Variants in GPR83 observed in about 807,000 individuals in gnomAD.
GPR83 encodes the protein G-protein coupled receptor 72.
Under a neutral mutation model 28.0 loss-of-function variants are expected in GPR83, and 23 were observed. The ratio of observed to expected loss-of-function variants is 0.82; its 90% CI spans 0.59 to 1.16. The LOEUF (loss-of-function observed/expected upper bound fraction) is 1.16, where lower values mean the gene tolerates loss of function less well. GPR83 is among the 50% of genes most tolerant of loss of function. The probability of loss-of-function intolerance (pLI) is 0.00; values close to 1 mark genes in which losing one functional copy is unlikely to be tolerated. For synonymous variants in GPR83, 234 were observed against 215.4 expected (o/e 1.09, Z -0.76); for missense variants, 610 against 536.6 (o/e 1.14, Z -1.35).
At chr11:94,381,671 C>G (rs1425721521) in intron 3 of GPR83, among the ~76,000 whole-genome samples, 1 of 151,996 alleles carries the variant, frequency 6.6e-6, no homozygotes, top group South Asian at 2.1e-4. Flanking sequence ...CAGGAAGAAA[C>G]AGCTGGCACC....
rs771867380 is a variant in GPR83, at chr11:94,380,602, G to A, written c.819C>T (p.Gly273=). 8.7e-6 allele frequency: 14 copies of A among 1,614,050 alleles called. No homozygotes were observed. The highest frequency in any genetic ancestry group is 1.3e-5 in the African/African-American group (1 of 75,048). ...CAAAGTACTGCTCTGTGGTCACATCGCCAATCATATTACACAGCCACAGTT... is the reference window on the plus strand; with the variant it reads ...CAAAGTACTGCTCTGTGGTCACATCACCAATCATATTACACAGCCACAGTT... The part of the protein sequence containing the change: ...AKKLWLCNMI[G]DVTTEQYFAL... Residue 273 remains glycine (G), a synonymous_variant, in exon 4 of 4, where the codon GGC becomes GGT. Coordinates refer to ENST00000243673, the MANE Select transcript of GPR83 (RefSeq NM_016540.4).
rs59499655 is a variant in GPR83, at chr11:94,393,104, G to A, written c.647+381C>T. ...GTAGAGAAGCCTGCCTCAGGCTCAG[G>A]CATGCATGCGGATTTTGTTTGTAGA... On this transcript the variant is annotated intron_variant, in intron 3 of 3. Coordinates refer to ENST00000243673, the MANE Select transcript of GPR83 (RefSeq NM_016540.4). Among the ~76,000 whole-genome samples, 358 of 152,308 alleles carry A rather than the reference G, an allele frequency of 2.4e-3. 1 individual carries two copies. Among genetic ancestry groups the A allele is most frequent in the African/African-American group, 8.1e-3 (338 of 41,562 alleles).
At position 94,380,494 on chromosome 11, in the gene GPR83, G is replaced by T; in HGVS notation, c.927C>A (p.Asn309Lys). 6.2e-7 allele frequency: 1 copy of T among 1,614,234 alleles called. No individual in the cohort carries two copies. Among genetic ancestry groups the T allele is most frequent in the Non-Finnish European group, 8.5e-7 (1 of 1,180,030 alleles). Residue 309 changes from asparagine to lysine, a missense_variant, in exon 4 of 4, where the codon AAC becomes AAA. Transcript: ENST00000243673. ...TGCTGGACAGGAGGAGGACGTAGCA[G>T]TTGAGGGGGAACCAGCAGAGGGCAA... ...VLFALCWFPL[N>K]CYVLLLSSKV... is the part of the protein sequence containing the mutation.
chr11:94,380,072 A>G lies in GPR83; in HGVS notation c.*77T>C, dbSNP rs1944668951. ...GGAGTGTGTTTCCAGCACTCTGAAG[A>G]TCATGTGTGAGAATAGGCTCTCTTT... On this transcript the variant is annotated 3_prime_UTR_variant, in exon 4 of 4. Transcript: ENST00000243673. 3.4e-6 allele frequency: 4 copies of G among 1,177,780 alleles called. No homozygotes were observed. Among genetic ancestry groups the G allele is most frequent in the Middle Eastern group, 2.0e-4 (1 of 5,024 alleles). The allele number at this position is 1,177,780 out of a possible 1,614,324, so 73.0% of individuals were successfully genotyped here.
chr11:94,400,102 T>C (rs373709150), intron 1 of GPR83, among the ~76,000 whole-genome samples: 11 of 152,242 alleles, frequency 7.2e-5, no homozygotes, highest in African/African-American at 2.7e-4. Flanking sequence ...CCATTAACAA[T>C]TAGCAATTGT....
chr11:94,390,795 T>G (rs550579058), intron 3 of GPR83, among the ~76,000 whole-genome samples: 1 of 152,240 alleles, frequency 6.6e-6, no homozygotes, highest in Admixed American at 6.5e-5. Context: ...CAAGGAGAAC[T>G]ACAAACCACT....
At chr11:94,391,333 T>C (rs1944814770) in intron 3 of GPR83, among the ~76,000 whole-genome samples, 1 of 152,140 alleles carries the variant, frequency 6.6e-6, no homozygotes, top group Non-Finnish European at 1.5e-5. Context: ...TCAAGATGGA[T>C]CAAAGACTTA....
intron 3 of GPR83, among the ~76,000 whole-genome samples, chr11:94,382,813 C>T (rs1347299771): frequency 1.3e-5 from 2 of 152,098 alleles, no homozygotes; most frequent in Non-Finnish European, 2.9e-5. Context: ...TGCAAAAGAA[C>T]AGAAATCATA....
intron 3 of GPR83, 137 bp from the exon 4 acceptor site, chr11:94,380,910 C>A: frequency 2.9e-6 from 2 of 686,936 alleles, no homozygotes; most frequent in Non-Finnish European, 4.8e-6. Flanking sequence ...ACTTTTGATG[C>A]TGTAGCCTAA....
rs1356487034 is a variant in GPR83, at chr11:94,380,550, T to G, written c.871A>C (p.Ile291Leu). ...FALRRKKKKT[I>L]KMLMLVVVLF... The stretch of plus-strand genomic sequence containing the variant: ...ACTACCACCAGCATCAACATCTTGA[T>G]GGTCTTCTTCTTTTTGCGCCGCAGG... The change falls in exon 4 of 4, where the codon ATC (isoleucine) becomes CTC (leucine). Residue 291 changes from isoleucine to leucine, a missense_variant. By Grantham distance (5) the Ile-to-Leu change is conservative (BLOSUM62 2). Transcript: ENST00000243673. 1 of 1,614,074 alleles carries G rather than the reference T, an allele frequency of 6.2e-7. No individual in the cohort carries two copies. The highest frequency in any genetic ancestry group is 2.2e-5 in the East Asian group (1 of 44,888).
In GPR83 at chr11:94,380,178, A is replaced by G. The variant is rs1283190558; in HGVS notation, c.1243T>C (p.Ser415Pro). Reference protein sequence around the residue: ...QLQSGKTDLSSVEPIVTMS With the variant: ...QLQSGKTDLSPVEPIVTMS ...CTCATCGTCACAATGGGTTCCACAG[A>G]TGACAGGTCTGTCTTCCCAGACTGG... The change falls in exon 4 of 4, where the codon TCT (serine) becomes CCT (proline). Residue 415 changes from serine to proline, a missense_variant. Ser to Pro is a moderately conservative substitution (Grantham distance 74). Coordinates refer to ENST00000243673, the MANE Select transcript of GPR83 (RefSeq NM_016540.4). 4 of 1,516,944 alleles carry G rather than the reference A, an allele frequency of 2.6e-6. No homozygotes were observed. The highest frequency in any genetic ancestry group is 2.3e-5 in the Admixed American group (1 of 44,100). The allele number at this position is 1,516,944 out of a possible 1,614,324, so 94.0% of individuals were successfully genotyped here.
At chr11:94,383,019 T>A (rs1422356868) in intron 3 of GPR83, among the ~76,000 whole-genome samples, 6 of 150,044 alleles carry the variant, frequency 4.0e-5, no homozygotes, top group African/African-American at 1.5e-4. Context: ...AAAAAAAAAA[T>A]TAGCCAGGCT....
intron 3 of GPR83, among the ~76,000 whole-genome samples, chr11:94,388,753 G>T (rs1370042439): frequency 8.5e-5 from 13 of 152,148 alleles, no homozygotes; most frequent in African/African-American, 3.1e-4. Flanking sequence ...ACTGCCCAAG[G>T]TAATTTATAG....
At chr11:94,384,034 A>C (rs1407489480) in intron 3 of GPR83, among the ~76,000 whole-genome samples, 1 of 152,242 alleles carries the variant, frequency 6.6e-6, no homozygotes, top group African/African-American at 2.4e-5. Context: ...CAACAAAAAA[A>C]AAGAAAATTA....
Position 94,379,370 on chromosome 11 carries a change from CAAAAAAAAAAAAA to C in GPR83, c.*766_*778del, listed in dbSNP as rs200200146. The C allele has an allele frequency of 1.9e-5, 1 of 53,724 alleles. No homozygotes were observed. The allele number at this position is 53,724 out of a possible 1,614,324, so 3.3% of individuals were successfully genotyped here. A position where few individuals can be genotyped will look rare whatever the true frequency, so the allele number is the denominator to read the frequency against. On this transcript the variant is annotated 3_prime_UTR_variant, in exon 4 of 4. Transcript: ENST00000243673. Reference sequence around the variant, plus strand: ...TGGGTGACAGAGCGAGATTCCATCTCAAAAAAAAAAAAAAAAAGAAAAAAAAAAGGTCATGCAC... The same window carrying C: ...TGGGTGACAGAGCGAGATTCCATCTCAAAAGAAAAAAAAAAGGTCATGCAC...
Position 94,387,440 on chromosome 11 carries a change from T to C in GPR83, c.647+6045A>G, listed in dbSNP as rs1276228345. On this transcript the variant is annotated intron_variant, in intron 3 of 3. Transcript: ENST00000243673. ...ATTGATAGACCGCTAGCAAGACTAA[T>C]AAAGAAGAAAAGAGAGAAGAATCAA... 5.7e-4 allele frequency among the ~76,000 whole-genome samples: 87 copies of C among 151,798 alleles called. 1 individual carries two copies. Among genetic ancestry groups the C allele is most frequent in the Admixed American group, 5.7e-3 (87 of 15,228 alleles).
At chr11:94,388,482 A>C (rs1449575882) in intron 3 of GPR83, among the ~76,000 whole-genome samples, 2 of 151,914 alleles carry the variant, frequency 1.3e-5, no homozygotes, top group African/African-American at 2.4e-5. Flanking sequence ...AAGTCTCAGG[A>C]TATAAAATCA....
intron 3 of GPR83, among the ~76,000 whole-genome samples, chr11:94,388,771 G>A (rs1363986725): frequency 6.6e-6 from 1 of 152,176 alleles, no homozygotes; most frequent in East Asian, 1.9e-4. Context: ...TAGATTCAAT[G>A]CCATCCCCAT....
At chr11:94,384,694 C>T (rs867706294) in intron 3 of GPR83, among the ~76,000 whole-genome samples, 12 of 152,288 alleles carry the variant, frequency 7.9e-5, no homozygotes, top group East Asian at 1.9e-4. Context: ...GTAAACAAAG[C>T]GGCCAGGAAG....
Sources: gnomAD v4.1 joint callset for allele counts (sites outside exome capture counted in the v4.1 genomes callset) on GRCh38, gnomAD v4.1.1 for gene constraint, MANE v1.5 for transcripts, NCBI Gene and HGNC (gene_info 2026-07-23, HGNC 2026-07-21) for gene names.